The following ARHGEF3 variants were observed in gnomAD, a reference collection of about 807,000 sequenced individuals.
The protein encoded by ARHGEF3 is Rho guanine nucleotide exchange factor 3, also known as 59.8 kDA protein.
In ARHGEF3, 28 loss-of-function variants were observed where a neutral mutation model predicts 63.2. The observed-to-expected ratio is 0.44, with a 90% CI of 0.33 to 0.61. The LOEUF (loss-of-function observed/expected upper bound fraction) is 0.61. Among genes scored for constraint, ARHGEF3 ranks in the 20% least tolerant of loss-of-function variants. The pLI is 0.03. For missense variants in ARHGEF3, 533 were observed against 659.3 expected, an observed-to-expected ratio of 0.81 and a Z score of 2.10; for synonymous variants, 266 against 254.2, an observed-to-expected ratio of 1.05 and a Z score of -0.44.
At chr3:56,803,485 AAAAAG>A (rs139819365), upstream of ARHGEF3, among the ~76,000 whole-genome samples, 20,050 of 151,570 alleles carry the variant, frequency 0.13, 2,151 homozygotes, top group African/African-American at 0.29. Context: ...GGAAGAAAGG[AAAAAG>A]AAAAGAAAAG....
chr3:57,008,119 G>C (rs1702538280), intron 2 of ARHGEF3, among the ~76,000 whole-genome samples: 2 of 122,894 alleles, frequency 1.6e-5, no homozygotes, highest in African/African-American at 6.1e-5. Context: ...TAGATCCTTG[G>C]GCAGAAAATT....
chr3:56,885,548 C>A (rs1161967566), intron 3 of ARHGEF3, among the ~76,000 whole-genome samples: 1 of 151,912 alleles, frequency 6.6e-6, no homozygotes, highest in Non-Finnish European at 1.5e-5. Context: ...CACATTGATG[C>A]AGGAAAGTGA....
At chr3:56,859,807 G>A (rs2040007516) in intron 4 of ARHGEF3, among the ~76,000 whole-genome samples, 1 of 151,886 alleles carries the variant, frequency 6.6e-6, no homozygotes, top group African/African-American at 2.4e-5. Context: ...CAAAGTGCTG[G>A]GGTTACAGGC....
intron 3 of ARHGEF3, among the ~76,000 whole-genome samples, chr3:56,887,592 C>T (rs192684393): frequency 3.5e-4 from 53 of 152,328 alleles, no homozygotes; most frequent in African/African-American, 1.2e-3. Context: ...GCATAAAAAA[C>T]CACTGATCAG....
At chr3:56,804,310 C>G (rs1212539564), upstream of ARHGEF3, among the ~76,000 whole-genome samples, 2 of 152,164 alleles carry the variant, frequency 1.3e-5, no homozygotes, top group East Asian at 3.8e-4. Context: ...GTTTTTACTT[C>G]CTGGGGATGC....
chr3:56,795,655 CTTT>C (rs11306302), intron 1 of ARHGEF3, among the ~76,000 whole-genome samples: 1 of 130,538 alleles, frequency 7.7e-6, no homozygotes, highest in African/African-American at 2.9e-5. Context: ...GTCTCTCTCT[CTTT>C]TTTTTTTTTG....
intron 2 of ARHGEF3, among the ~76,000 whole-genome samples, chr3:56,973,095 T>G (rs1465735271): frequency 6.6e-6 from 1 of 151,582 alleles, no homozygotes; most frequent in Non-Finnish European, 1.5e-5. Flanking sequence ...TGGCTCACTA[T>G]AAGCTCCGCC....
chr3:56,741,782 C>T (rs1464123638), intron 7 of ARHGEF3, among the ~76,000 whole-genome samples: 1 of 152,152 alleles, frequency 6.6e-6, no homozygotes, highest in Non-Finnish European at 1.5e-5. Flanking sequence ...GGATTACAGG[C>T]GTGAGCCACC....
rs1560165562 is a variant in ARHGEF3, at chr3:57,055,162, G to GTTTTTT, written c.-27-19987_-27-19986insAAAAAA. Among the ~76,000 whole-genome samples, 25 of 139,790 alleles carry GTTTTTT rather than the reference G, an allele frequency of 1.8e-4. 1 individual carries two copies. The highest frequency in any genetic ancestry group is 6.7e-4 in the African/African-American group (25 of 37,358). The allele number at this position is 139,790 out of a possible 152,430, so 91.7% of individuals were successfully genotyped here. A position where few individuals can be genotyped will look rare whatever the true frequency, so the allele number is the denominator to read the frequency against. On this transcript the variant is annotated intron_variant, in intron 1 of 12. Coordinates refer to the ARHGEF3 transcript ENST00000338458. ...ATGATTTATAAGCTTTTCTCTTTAT[G>GTTTTTT]CTTTTTTTTTTTTTTTTGAGACGAA...
chr3:56,881,273 G>A (rs2040755772), intron 4 of ARHGEF3, among the ~76,000 whole-genome samples: 1 of 152,308 alleles, frequency 6.6e-6, no homozygotes, highest in South Asian at 2.1e-4. Context: ...TAGCATGGAA[G>A]GCTTCTCATC....
chr3:57,073,227 G>A (rs558869867), intron 1 of ARHGEF3: 1 of 153,320 alleles, frequency 6.5e-6, no homozygotes, highest in East Asian at 1.9e-4. Context: ...GGATGGGGAA[G>A]GTGGAATTTT....
intron 2 of ARHGEF3, among the ~76,000 whole-genome samples, chr3:57,002,438 ATATGCCAGGCAC>A (rs1702236029): frequency 1.6e-5 from 1 of 64,154 alleles, no homozygotes; most frequent in Middle Eastern, 9.1e-3. Flanking sequence ...ATATATATAT[ATATGCCAGGCAC>A]TGTTCTAAGC....
At chr3:56,914,430 G>A (rs1187888284) in intron 3 of ARHGEF3, among the ~76,000 whole-genome samples, 1 of 152,168 alleles carries the variant, frequency 6.6e-6, no homozygotes, top group South Asian at 2.1e-4. Context: ...AATATTAATT[G>A]ACAAGAAAAA....
At chr3:56,972,263 A>C (rs944838563) in intron 2 of ARHGEF3, among the ~76,000 whole-genome samples, 2 of 152,100 alleles carry the variant, frequency 1.3e-5, no homozygotes, top group Admixed American at 1.3e-4. Context: ...CCCAGTCTTC[A>C]GCTTCCAACT....
chr3:56,773,264 T>TA (rs2036101136), intron 2 of ARHGEF3, among the ~76,000 whole-genome samples: 1 of 152,090 alleles, frequency 6.6e-6, no homozygotes, highest in African/African-American at 2.4e-5. Context: ...CCAAGAATTT[T>TA]AAAAAGTAAA....
intron 4 of ARHGEF3, among the ~76,000 whole-genome samples, chr3:56,855,645 T>C (rs2039846196): frequency 6.7e-6 from 1 of 149,584 alleles, no homozygotes. Context: ...ATTACGCCAC[T>C]GCACTCCAGC....
chr3:56,859,697 TA>T (rs1237557551), intron 4 of ARHGEF3, among the ~76,000 whole-genome samples: 7 of 37,328 alleles, frequency 1.9e-4, no homozygotes, highest in Non-Finnish European at 2.9e-4. Flanking sequence ...CACACCAGGC[TA>T]ATTTTTTTTT....
chr3:57,051,978 C>T (rs1381468328), intron 1 of ARHGEF3, among the ~76,000 whole-genome samples: 1 of 151,586 alleles, frequency 6.6e-6, no homozygotes. Context: ...AAAAAAAGTA[C>T]CCTTCATCAT....
chr3:56,733,691 A>G (rs2033380730), intron 8 of ARHGEF3, among the ~76,000 whole-genome samples: 1 of 151,850 alleles, frequency 6.6e-6, no homozygotes, highest in Non-Finnish European at 1.5e-5. Flanking sequence ...AGCCACAAAG[A>G]AAGATGATCA....
Sources: allele counts gnomAD v4.1 joint callset (sites outside exome capture counted in the v4.1 genomes callset), GRCh38; gene constraint gnomAD v4.1.1; transcripts MANE v1.5; gene names NCBI Gene and HGNC (gene_info 2026-07-23, HGNC 2026-07-21).